The following CHM variants were observed in gnomAD, a reference collection of about 807,000 sequenced individuals.
The protein encoded by CHM is rab proteins geranylgeranyltransferase component A 1.
In CHM, 10 loss-of-function variants were observed where a neutral mutation model predicts 49.0. The ratio of observed to expected loss-of-function variants is 0.20; its 90% CI spans 0.13 to 0.35. The LOEUF (loss-of-function observed/expected upper bound fraction) is 0.35. Among genes scored for constraint, CHM ranks in the 10% least tolerant of loss-of-function variants. The pLI, the probability that CHM is intolerant of heterozygous loss-of-function variation, is 1.00. For missense variants in CHM, 455 were observed against 478.4 expected, an observed-to-expected ratio of 0.95 and a Z score of 0.46; for synonymous variants, 184 against 167.5, an observed-to-expected ratio of 1.10 and a Z score of -0.76.
chrX:85,900,524 G>A lies in CHM; in HGVS notation c.1413+122C>T, dbSNP rs908051802. On this transcript the variant is annotated intron_variant, in intron 11 of 14. Coordinates refer to ENST00000357749, the MANE Select transcript of CHM (RefSeq NM_000390.4). ...CTTAAGTGTTCTCACCACAAAAAAA[G>A]GTAACTATGTAAAGACATATGTTAA... 1.4e-5 allele frequency: 7 copies of A among 501,594 alleles called. No homozygotes were observed. In the Admixed American group the frequency reaches 2.3e-4, roughly 16 times the overall value. 41.3% of individuals were successfully genotyped at this position (501,594 alleles called of 1,213,427 possible). A position where few individuals can be genotyped will look rare whatever the true frequency, so the allele number is the denominator to read the frequency against.
intron 2 of CHM, among the ~76,000 whole-genome samples, chrX:86,025,291 GTTCTTATA>G (rs779322990): frequency 9.0e-6 from 1 of 111,677 alleles, no homozygotes; most frequent in Non-Finnish European, 1.9e-5. Flanking sequence ...TAAGACCTAG[GTTCTTATA>G]TTTTTAATCA....
chrX:85,950,821 C>T (rs1220707498), intron 8 of CHM, among the ~76,000 whole-genome samples: 1 of 111,159 alleles, frequency 9.0e-6, no homozygotes, highest in Admixed American at 9.6e-5. Context: ...ACCTAAGATT[C>T]ACTGTAGTAA....
At chrX:86,002,257 G>A (rs1168207316) in intron 2 of CHM, among the ~76,000 whole-genome samples, 1 of 112,031 alleles carries the variant, frequency 8.9e-6, no homozygotes, top group East Asian at 2.8e-4. Flanking sequence ...CTAGGGGGTG[G>A]TAAAGAAAAT....
chrX:86,044,647 T>C (rs1440504644), intron 1 of CHM, among the ~76,000 whole-genome samples: 1 of 111,807 alleles, frequency 8.9e-6, no homozygotes, highest in Non-Finnish European at 1.9e-5. Flanking sequence ...GTTCAACCAA[T>C]GGTACTTGTC....
intron 1 of CHM, among the ~76,000 whole-genome samples, chrX:86,038,420 T>C (rs1934330399): frequency 8.9e-6 from 1 of 111,788 alleles, no homozygotes; most frequent in Non-Finnish European, 1.9e-5. Flanking sequence ...ATGGAACCAA[T>C]GAATTATACA....
At chrX:85,956,916 T>C (rs921551293) in intron 7 of CHM, among the ~76,000 whole-genome samples, 2 of 111,877 alleles carry the variant, frequency 1.8e-5, no homozygotes, top group African/African-American at 6.5e-5. Context: ...CCCCAGAAGT[T>C]ACTCCTTTAA....
At chrX:85,869,365 T>A (rs1923904860) in intron 14 of CHM, among the ~76,000 whole-genome samples, 1 of 111,228 alleles carries the variant, frequency 9.0e-6, no homozygotes, top group Admixed American at 9.7e-5. Flanking sequence ...TCTATGCTAG[T>A]TCCTCTGTGT....
At chrX:85,976,628 A>G (rs185814900) in intron 4 of CHM, among the ~76,000 whole-genome samples, 1 of 109,954 alleles carries the variant, frequency 9.1e-6, no homozygotes, top group East Asian at 2.9e-4. Flanking sequence ...CGTCTCAAAA[A>G]AAAAAAAATA....
intron 4 of CHM, chrX:85,970,460 G>C: frequency 1.3e-6 from 1 of 751,748 alleles, no homozygotes; most frequent in Non-Finnish European, 1.6e-6. Flanking sequence ...CCCTTGATGT[G>C]CATACATGTG....
At chrX:85,915,938 A>C (rs1386313066) in intron 8 of CHM, among the ~76,000 whole-genome samples, 1 of 112,422 alleles carries the variant, frequency 8.9e-6, no homozygotes, top group Non-Finnish European at 1.9e-5. Flanking sequence ...AAGGACTACA[A>C]AAAAAACTAT....
chrX:86,000,345 T>C (rs1321966762), intron 2 of CHM, among the ~76,000 whole-genome samples: 3 of 107,599 alleles, frequency 2.8e-5, no homozygotes, highest in Non-Finnish European at 5.8e-5. Context: ...ACAGAAGTTA[T>C]ACAAGTTCAA....
At chrX:85,934,362 G>T (rs754798972) in intron 8 of CHM, among the ~76,000 whole-genome samples, 4 of 98,985 alleles carry the variant, frequency 4.0e-5, no homozygotes, top group Non-Finnish European at 8.1e-5. Context: ...TGCCATGGTG[G>T]TGTGCTGCAT....
chrX:86,002,219 G>A (rs1042934474), intron 2 of CHM, among the ~76,000 whole-genome samples: 1 of 111,960 alleles, frequency 8.9e-6, no homozygotes, highest in Non-Finnish European at 1.9e-5. Context: ...CCTGTGACCC[G>A]TTTTAGACTG....
At chrX:86,035,827 T>C (rs1358321363) in intron 1 of CHM, among the ~76,000 whole-genome samples, 1 of 91,806 alleles carries the variant, frequency 1.1e-5, no homozygotes, top group Non-Finnish European at 2.1e-5. Flanking sequence ...GGAGCCTCGC[T>C]CTGTTGCCCA....
chrX:86,014,244 A>G (rs1933196891), intron 2 of CHM, among the ~76,000 whole-genome samples: 1 of 112,288 alleles, frequency 8.9e-6, no homozygotes, highest in Non-Finnish European at 1.9e-5. Flanking sequence ...GACAGGCAAC[A>G]TTAAAAAAAC....
chrX:85,995,505 T>C lies in CHM; in HGVS notation c.117-13696A>G, dbSNP rs1932398934. Among the ~76,000 whole-genome samples, 3 of 111,386 alleles carry C rather than the reference T, an allele frequency of 2.7e-5. No individual in the cohort carries two copies. In the Admixed American group the frequency reaches 2.9e-4, roughly 11 times the overall value. ...ACCATCAAACCCAGTATTTGTGTCTTTTCCAACCCTACAGCTTATCTTAGA... is the reference window on the plus strand; with the variant it reads ...ACCATCAAACCCAGTATTTGTGTCTCTTCCAACCCTACAGCTTATCTTAGA... On this transcript the variant is annotated intron_variant, in intron 2 of 14. Transcript: ENST00000357749.
chrX:85,951,625 T>C (rs937739871), intron 8 of CHM, among the ~76,000 whole-genome samples: 5 of 111,686 alleles, frequency 4.5e-5, no homozygotes, highest in Admixed American at 9.5e-5. Context: ...AACAACCCAA[T>C]AGACAAATGG....
chrX:85,896,163 AAG>A (rs1925818241), intron 11 of CHM, among the ~76,000 whole-genome samples: 1 of 109,897 alleles, frequency 9.1e-6, no homozygotes, highest in Admixed American at 9.8e-5. Flanking sequence ...GAAAAAAAAA[AAG>A]AGAGAAGATG....
At chrX:86,038,115 T>G (rs1210987430) in intron 1 of CHM, among the ~76,000 whole-genome samples, 2 of 111,947 alleles carry the variant, frequency 1.8e-5, no homozygotes, top group African/African-American at 6.5e-5. Context: ...TTGGGAATTG[T>G]GTTGGGCAAA....
Sources: gnomAD v4.1 joint callset for allele counts (sites outside exome capture counted in the v4.1 genomes callset) on GRCh38, gnomAD v4.1.1 for gene constraint, MANE v1.5 for transcripts, NCBI Gene and HGNC (gene_info 2026-07-23, HGNC 2026-07-21) for gene names.